DAGLB: variants seen among roughly 807,000 people sequenced by gnomAD.
DAGLB encodes the protein diacylglycerol lipase beta, also known as diacylglycerol lipase-beta.
A neutral mutation model predicts 72.1 loss-of-function variants in DAGLB; 66 were observed. The observed-to-expected ratio is 0.92, with a 90% CI of 0.75 to 1.12. The LOEUF is 1.12. Ranked by LOEUF, DAGLB falls within the 50% of genes most tolerant of loss-of-function variation. DAGLB has a pLI of 0.00. For synonymous variants in DAGLB, 414 were observed against 359.5 expected (o/e 1.15, Z -1.71); for missense variants, 1,065 against 884.9 (o/e 1.20, Z -2.58).
At chr7:6,424,312 A>T (rs1038728540) in intron 8 of DAGLB, among the ~76,000 whole-genome samples, 2 of 152,164 alleles carry the variant, frequency 1.3e-5, no homozygotes, top group Non-Finnish European at 2.9e-5. Flanking sequence ...GCAGGCCACG[A>T]GGGCCTGTGA....
rs1043326424 is a variant in DAGLB at position 6,421,713 on chromosome 7, G to C, written c.1218+14C>G. Reference sequence around the variant, plus strand: ...CAGCATTCACAGGCAAGACACACGAGTCCGCGCTCATACCTTGTGTGCCAG... The same window carrying C: ...CAGCATTCACAGGCAAGACACACGACTCCGCGCTCATACCTTGTGTGCCAG... On this transcript the variant is annotated intron_variant, in intron 9 of 14. Transcript: ENST00000297056. The C allele has an allele frequency of 2.5e-6, 4 of 1,599,334 alleles. No homozygotes were observed. In the African/African-American group the frequency reaches 4.0e-5, roughly 16 times the overall value.
intron 8 of DAGLB, among the ~76,000 whole-genome samples, chr7:6,423,117 T>C (rs551628230): frequency 4.6e-5 from 7 of 152,238 alleles, no homozygotes; most frequent in African/African-American, 1.7e-4. Flanking sequence ...CTGGGTGTAG[T>C]GGCACATGCC....
chr7:6,437,005 C>T (rs1308215894), intron 2 of DAGLB, among the ~76,000 whole-genome samples: 5 of 151,600 alleles, frequency 3.3e-5, no homozygotes, highest in African/African-American at 9.7e-5. Context: ...AAAAAATTAG[C>T]GAGGCGTGGT....
At chr7:6,425,555 C>T (rs1040492440) in intron 7 of DAGLB, among the ~76,000 whole-genome samples, 1 of 152,270 alleles carries the variant, frequency 6.6e-6, no homozygotes, top group South Asian at 2.1e-4. Context: ...CAGGCGTGAG[C>T]CACTGTGCCC....
At chr7:6,426,165 G>C in intron 6 of DAGLB, 51 bp from the exon 7 acceptor site, 1 of 1,606,900 alleles carries the variant, frequency 6.2e-7, no homozygotes, top group Non-Finnish European at 8.5e-7. Flanking sequence ...ACTTGGCAAG[G>C]AACGTCCATC....
chr7:6,444,551 G>C (rs1784936068), intron 2 of DAGLB, among the ~76,000 whole-genome samples: 3 of 152,156 alleles, frequency 2.0e-5, no homozygotes, highest in African/African-American at 7.2e-5. Context: ...GCAGTGAGCA[G>C]AGAGCACGCC....
Position 6,431,794 on chromosome 7 carries a change from T to C in DAGLB, c.801+1043A>G, listed in dbSNP as rs372161993. The stretch of plus-strand genomic sequence containing the variant: ...AAAAATAAAATAAAAAATAAAGATA[T>C]GATGGATGATAAAGTGGCCAGGAAT... On this transcript the variant is annotated intron_variant, in intron 5 of 14. Transcript: ENST00000297056. 4.6e-5 allele frequency among the ~76,000 whole-genome samples: 7 copies of C among 152,000 alleles called. No individual in the cohort carries two copies. The East Asian group carries it at 7.8e-4, about 17-fold the overall frequency.
intron 4 of DAGLB, among the ~76,000 whole-genome samples, chr7:6,434,074 G>C (rs1784574515): frequency 6.6e-6 from 1 of 152,096 alleles, no homozygotes; most frequent in South Asian, 2.1e-4. Context: ...CAGGCTCCAG[G>C]ACCAGCCCTG....
At chr7:6,432,659 T>TA (rs777686699) in intron 5 of DAGLB, among the ~76,000 whole-genome samples, 178 bp downstream of exon 5, 704 of 41,358 alleles carry the variant, frequency 0.017, 9 homozygotes, top group African/African-American at 0.036. Context: ...GACTCCGTCT[T>TA]AAAAAAAAAA....
At chr7:6,434,675 C>T (rs958989276) in intron 4 of DAGLB, 87 bp downstream of exon 4, 46 of 1,574,048 alleles carry the variant, frequency 2.9e-5, no homozygotes, top group Non-Finnish European at 3.8e-5. Context: ...TTCTCAAACG[C>T]GGTTTTATGG....
intron 6 of DAGLB, among the ~76,000 whole-genome samples, chr7:6,426,414 C>G (rs981361761): frequency 1.1e-4 from 17 of 152,204 alleles, no homozygotes; most frequent in African/African-American, 4.1e-4. Flanking sequence ...GGATTACATG[C>G]GTGCACCTCC....
At chr7:6,417,273 A>T in intron 9 of DAGLB, 1 of 180,538 alleles carries the variant, frequency 5.5e-6, no homozygotes, top group Non-Finnish European at 1.2e-5. Flanking sequence ...AAAAAAAAAA[A>T]AATTAACGGG....
intron 5 of DAGLB, among the ~76,000 whole-genome samples, chr7:6,431,006 C>T (rs1446333509): frequency 2.0e-5 from 3 of 152,118 alleles, no homozygotes; most frequent in Non-Finnish European, 2.9e-5. Flanking sequence ...GAACTCCCGA[C>T]CTCAGGTGAT....
At chr7:6,436,572 C>A in intron 2 of DAGLB, 39 bp from the exon 3 acceptor site, 7 of 1,613,004 alleles carry the variant, frequency 4.3e-6, no homozygotes, top group Non-Finnish European at 5.9e-6. Flanking sequence ...CAGTTGCTTC[C>A]TCAGAGATGA....
chr7:6,413,164 G>A (rs1460167833), intron 11 of DAGLB, 130 bp from the exon 12 acceptor site: 3 of 947,920 alleles, frequency 3.2e-6, no homozygotes, highest in Non-Finnish European at 4.7e-6. Context: ...TTCTCTAAAG[G>A]GAGGGTAGGG....
intron 2 of DAGLB, 60 bp from the exon 3 acceptor site, chr7:6,436,593 T>C: frequency 2.5e-6 from 4 of 1,605,472 alleles, no homozygotes; most frequent in Non-Finnish European, 3.4e-6. Flanking sequence ...AGAGCTTCCT[T>C]TTTGCAAAAA....
intron 1 of DAGLB, among the ~76,000 whole-genome samples, chr7:6,447,457 C>A (rs956308803): frequency 6.6e-6 from 1 of 152,210 alleles, no homozygotes; most frequent in Non-Finnish European, 1.5e-5. Context: ...CAGGTCTCGG[C>A]GCTGCACACA....
intron 2 of DAGLB, among the ~76,000 whole-genome samples, chr7:6,436,786 AC>A (rs982958677): frequency 6.6e-6 from 1 of 152,028 alleles, no homozygotes; most frequent in Non-Finnish European, 1.5e-5. Flanking sequence ...CTGGGTTCTC[AC>A]TGGGGTGACA....
At chr7:6,427,458 A>T (rs1784349296) in intron 6 of DAGLB, among the ~76,000 whole-genome samples, 1 of 152,170 alleles carries the variant, frequency 6.6e-6, no homozygotes, top group South Asian at 2.1e-4. Flanking sequence ...TGGGCCACAA[A>T]GCAAAACTGT....
Sources: gnomAD v4.1 joint callset for allele counts (sites outside exome capture counted in the v4.1 genomes callset) on GRCh38, gnomAD v4.1.1 for gene constraint, MANE v1.5 for transcripts, NCBI Gene and HGNC (gene_info 2026-07-23, HGNC 2026-07-21) for gene names.